ECHDC2: variants seen among roughly 807,000 people sequenced by gnomAD.
ECHDC2 encodes enoyl-CoA hydratase domain containing 2, also known as enoyl-CoA hydratase domain-containing protein 2, mitochondrial.
A neutral mutation model predicts 40.6 loss-of-function variants in ECHDC2; 34 were observed. The ratio of observed to expected loss-of-function variants is 0.84; its 90% CI spans 0.64 to 1.11. The LOEUF (loss-of-function observed/expected upper bound fraction) is 1.11. Ranked by LOEUF, ECHDC2 falls within the 50% of genes most tolerant of loss-of-function variation. ECHDC2 has a pLI of 0.00. For missense variants in ECHDC2, 392 were observed against 400.7 expected (o/e 0.98, Z 0.19); for synonymous variants, 162 against 166.6 (o/e 0.97, Z 0.21).
chr1:52,912,170 TC>T, intron 1 of ECHDC2: 3 of 388,682 alleles, frequency 7.7e-6, no homozygotes, highest in Non-Finnish European at 1.1e-5. Context: ...TCCATATTCA[TC>T]TTTTTTTTTT....
At chr1:52,913,096 G>T (rs2150064379) in intron 1 of ECHDC2, 1 of 152,246 alleles carries the variant, frequency 6.6e-6, no homozygotes, top group African/African-American at 2.4e-5. Flanking sequence ...ACCCCCACAT[G>T]CTCCCCACAA....
At chr1:52,903,688 C>G (rs931948267) in intron 7 of ECHDC2, among the ~76,000 whole-genome samples, 1 of 151,736 alleles carries the variant, frequency 6.6e-6, no homozygotes, top group African/African-American at 2.4e-5. Context: ...TCACTTGAGC[C>G]CAGGAGTTTA....
At position 52,902,257 on chromosome 1, in the gene ECHDC2, AGTGATTCTC is replaced by A. The variant is rs1427353469; in HGVS notation, c.702+2380_702+2388del. On this transcript the variant is annotated intron_variant, in intron 7 of 9. Transcript: ENST00000371522. ...CTGCAACCTCCACCTCCCAGACTCA[AGTGATTCTC>A]GTGCCTCAGCCTCCTGAGTAGCTGT... Among the ~76,000 whole-genome samples the A allele has an allele frequency of 1.4e-4, 22 of 152,276 alleles. 1 individual carries two copies. The highest frequency in any genetic ancestry group is 1.4e-3 in the Admixed American group (21 of 15,282).
At chr1:52,913,867 G>C in intron 1 of ECHDC2, 2 of 1,061,228 alleles carry the variant, frequency 1.9e-6, no homozygotes, top group Non-Finnish European at 2.4e-6. Flanking sequence ...CCTTGGCTTT[G>C]GCAGGCCCCC....
At chr1:52,918,174 C>T (rs1483034752) in intron 1 of ECHDC2, among the ~76,000 whole-genome samples, 4 of 152,082 alleles carry the variant, frequency 2.6e-5, no homozygotes, top group African/African-American at 9.7e-5. Context: ...CAGGTATGCA[C>T]AACCATGCCT....
intron 7 of ECHDC2, among the ~76,000 whole-genome samples, chr1:52,902,667 T>C (rs12073381): frequency 0.026 from 4,035 of 152,322 alleles, 186 homozygotes; most frequent in African/African-American, 0.092. Flanking sequence ...TTTTGTGACA[T>C]TTGTAAATTT....
chr1:52,911,577 A>G lies in ECHDC2; in HGVS notation c.266T>C (p.Val89Ala). Reference sequence around the variant, plus strand: ...GAGAGAGAACCTACCTGCACAGAACACGCCCTTCACTCCACTTCTGAAGAG... The same window carrying G: ...GAGAGAGAACCTACCTGCACAGAACGCGCCCTTCACTCCACTTCTGAAGAG... ...VLLFRSGVKG[V>A]FCAGADLKER... The change falls in exon 3 of 10, where the codon GTG (valine) becomes GCG (alanine). Residue 89 changes from valine (V) to alanine (A), a missense_variant. Coordinates refer to ENST00000371522, the MANE Select transcript of ECHDC2 (RefSeq NM_001198961.2). 6.2e-7 allele frequency: 1 copy of G among 1,613,744 alleles called. No individual in the cohort carries two copies. Among genetic ancestry groups the G allele is most frequent in the Non-Finnish European group, 8.5e-7 (1 of 1,180,004 alleles).
rs779009790 is a variant in ECHDC2 at position 52,904,621 on chromosome 1, T to C, written c.702+25A>G. 6 of 1,548,114 alleles carry C rather than the reference T, an allele frequency of 3.9e-6. No homozygotes were observed. In the African/African-American group the frequency reaches 6.8e-5, roughly 17 times the overall value. On this transcript the variant is annotated intron_variant, in intron 7 of 9. Transcript: ENST00000371522. ...GCCTCCCCCATGACTCCAGCCCTCC[T>C]TCTGGTGCCGAGCTGTCACCACACC...
At chr1:52,906,966 GA>G (rs1261982718) in intron 4 of ECHDC2, 1 of 149,138 alleles carries the variant, frequency 6.7e-6, no homozygotes, top group Non-Finnish European at 1.4e-5. Flanking sequence ...TTTTTAAGTA[GA>G]GACGGGGGTT....
chr1:52,901,684 T>C (rs1647002788), intron 7 of ECHDC2: 1 of 152,174 alleles, frequency 6.6e-6, no homozygotes, highest in South Asian at 2.1e-4. Flanking sequence ...ACCCAGAAGG[T>C]CTCAACTCTG....
chr1:52,904,028 G>A (rs1432790761), intron 7 of ECHDC2, among the ~76,000 whole-genome samples: 1 of 152,040 alleles, frequency 6.6e-6, no homozygotes, highest in Non-Finnish European at 1.5e-5. Flanking sequence ...ATATTGGCCA[G>A]GGTGGTCTTG....
rs1258581452 is a variant in ECHDC2 at position 52,914,217 on chromosome 1, A to C, written c.122-2427T>G. ...GCCCTAGTATAGAAGGTCAGCAATG[A>C]GTTATCAGAGGAGGCAGTGGCCTTT... On this transcript the variant is annotated intron_variant, in intron 1 of 9. Coordinates refer to ENST00000371522, the MANE Select transcript of ECHDC2 (RefSeq NM_001198961.2). This position sits in a 1 kb window ranked among gnomAD's most constrained non-coding sequence, Gnocchi z 4.0. 5.2e-6 allele frequency: 2 copies of C among 385,518 alleles called. No homozygotes were observed. The highest frequency in any genetic ancestry group is 4.2e-5 in the African/African-American group (2 of 47,432). The allele number at this position is 385,518 out of a possible 1,614,324, so 23.9% of individuals were successfully genotyped here. A position where few individuals can be genotyped will look rare whatever the true frequency, so the allele number is the denominator to read the frequency against.
chr1:52,921,294 C>G, intron 1 of ECHDC2: 1 of 727,136 alleles, frequency 1.4e-6, no homozygotes, highest in Non-Finnish European at 2.0e-6. Context: ...CCCGCTCCCC[C>G]TTCCACACAG....
At chr1:52,900,354 A>C (rs1239936543) in intron 7 of ECHDC2, 1 of 152,254 alleles carries the variant, frequency 6.6e-6, no homozygotes, top group Non-Finnish European at 1.5e-5. Context: ...GTGTGCCTTT[A>C]TAAAACAAAA....
chr1:52,921,169 C>G lies in ECHDC2; in HGVS notation c.121+384G>C, dbSNP rs568633030. ...CCCGCTGCCGCACTGGGCACTGGGACTGGCTCCGCTGCCTCCGCCCCCGAA... is the reference window on the plus strand; with the variant it reads ...CCCGCTGCCGCACTGGGCACTGGGAGTGGCTCCGCTGCCTCCGCCCCCGAA... On this transcript the variant is annotated intron_variant, in intron 1 of 9. Transcript: ENST00000371522. 4.6e-5 allele frequency among the ~76,000 whole-genome samples: 7 copies of G among 152,352 alleles called. No homozygotes were observed. In the South Asian group the frequency reaches 8.3e-4, roughly 18 times the overall value.
rs781403954 is a variant in ECHDC2, at chr1:52,914,775, A to G, written c.122-2985T>C. On this transcript the variant is annotated intron_variant, in intron 1 of 9. Coordinates refer to ENST00000371522, the MANE Select transcript of ECHDC2 (RefSeq NM_001198961.2). The surrounding 1 kb of genome is among the most constrained non-coding windows in gnomAD (Gnocchi z 4.0). ...TCAGTCACTAAGGCCTGCTAATCCA[A>G]CCTCTTAAAGAGATCTCAGGCCTCT... is the stretch of plus-strand genomic sequence containing the variant. Among the ~76,000 whole-genome samples, 5 of 151,758 alleles carry G rather than the reference A, an allele frequency of 3.3e-5. No individual in the cohort carries two copies. The highest frequency in any genetic ancestry group is 3.2e-3 in the Middle Eastern group (1 of 316).
chr1:52,917,743 A>G (rs748856479), intron 1 of ECHDC2: 45 of 431,342 alleles, frequency 1.0e-4, no homozygotes, highest in Non-Finnish European at 1.7e-4. Flanking sequence ...AAAAATTCCT[A>G]TTGCCTAGTG....
At chr1:52,902,581 T>C (rs1159036363) in intron 7 of ECHDC2, among the ~76,000 whole-genome samples, 1 of 152,236 alleles carries the variant, frequency 6.6e-6, no homozygotes, top group African/African-American at 2.4e-5. Flanking sequence ...TGAGCCACCA[T>C]GCTAAGCCAA....
chr1:52,904,590 ACACATGCCTCCCC>A (rs1382100596), intron 7 of ECHDC2, 43 bp downstream of exon 7: 4 of 1,463,668 alleles, frequency 2.7e-6, no homozygotes, highest in Non-Finnish European at 3.6e-6. Context: ...ACCCTGCCCC[ACACATGCCTCCCC>A]CATGACTCCA....
Sources: gnomAD v4.1 joint callset for allele counts (sites outside exome capture counted in the v4.1 genomes callset) on GRCh38, gnomAD v4.1.1 for gene constraint, Gnocchi (gnomAD v3.1) non-coding constraint, MANE v1.5 for transcripts, NCBI Gene and HGNC (gene_info 2026-07-23, HGNC 2026-07-21) for gene names.